PTH2R: variants seen among roughly 807,000 people sequenced by gnomAD.
PTH2R encodes the protein parathyroid hormone 2 receptor, also known as PTH2 receptor.
PTH2R carries 59 observed loss-of-function variants against 60.3 expected under a neutral mutation model. The ratio of observed to expected loss-of-function variants is 0.98; its 90% CI spans 0.79 to 1.22. The LOEUF is 1.22. Among genes scored for constraint, PTH2R ranks in the 50% most tolerant of loss-of-function variants. The pLI is 0.00. For synonymous variants in PTH2R, 256 were observed against 243.8 expected, an observed-to-expected ratio of 1.05 and a Z score of -0.47; for missense variants, 749 against 682.6, an observed-to-expected ratio of 1.10 and a Z score of -1.08.
chr2:208,362,634 T>C (rs1002581922), intron 1 of PTH2R, among the ~76,000 whole-genome samples: 1 of 152,238 alleles, frequency 6.6e-6, no homozygotes, highest in African/African-American at 2.4e-5. Context: ...GCTGTAACCA[T>C]GGGTATGCAA....
chr2:208,454,488 C>T lies in PTH2R; in HGVS notation c.914+3679C>T, dbSNP rs138035928. Among the ~76,000 whole-genome samples, 220 of 152,274 alleles carry T rather than the reference C, an allele frequency of 1.4e-3. 7 individuals are homozygous for T. In the South Asian group the frequency reaches 0.02, roughly 14 times the overall value. ...GCACACAAAGAAGAGGTCATGTGAG[C>T]ACACAGTGAGATGGAGGCTACTTAC... On this transcript the variant is annotated intron_variant, in intron 8 of 12. Transcript: ENST00000272847.
intron 1 of PTH2R, among the ~76,000 whole-genome samples, chr2:208,409,133 T>G (rs1269848722): frequency 6.6e-6 from 1 of 152,232 alleles, no homozygotes; most frequent in East Asian, 1.9e-4. Context: ...CTATAGATTA[T>G]GAATTGCATA....
rs1701423716 is a variant in PTH2R at position 208,406,921 on chromosome 2, A to T, written c.-123A>T. ...ACCCTCGGCCGGTGGCCCGGGCCCG[A>T]CCACCCCAGCTGCGCGTCGTTACTG... On this transcript the variant is annotated 5_prime_UTR_variant, in exon 1 of 13. Coordinates refer to ENST00000272847, the MANE Select transcript of PTH2R (RefSeq NM_005048.4). 1 of 777,242 alleles carries T rather than the reference A, an allele frequency of 1.3e-6. No homozygotes were observed. The highest frequency in any genetic ancestry group is 3.1e-5 in the Admixed American group (1 of 31,912). 48.1% of individuals were successfully genotyped at this position (777,242 alleles called of 1,614,324 possible). A position where few individuals can be genotyped will look rare whatever the true frequency, so the allele number is the denominator to read the frequency against.
intron 1 of PTH2R, among the ~76,000 whole-genome samples, chr2:208,416,241 G>A (rs1701638945): frequency 6.6e-6 from 1 of 151,864 alleles, no homozygotes; most frequent in Admixed American, 6.6e-5. Flanking sequence ...TAAAAATGAT[G>A]GTGTTAAACC....
At chr2:208,465,708 T>C (rs1702735440) in intron 9 of PTH2R, among the ~76,000 whole-genome samples, 1 of 151,650 alleles carries the variant, frequency 6.6e-6, no homozygotes, top group African/African-American at 2.4e-5. Flanking sequence ...GCCAACTCCT[T>C]TTTTTTTAAA....
intron 9 of PTH2R, among the ~76,000 whole-genome samples, chr2:208,477,260 T>C (rs1703025563): frequency 6.6e-6 from 1 of 152,128 alleles, no homozygotes. Flanking sequence ...GAAAAATGCT[T>C]CTGAGAATAA....
chr2:208,457,783 T>C (rs1400374596), intron 8 of PTH2R, among the ~76,000 whole-genome samples: 1 of 152,190 alleles, frequency 6.6e-6, no homozygotes, highest in Non-Finnish European at 1.5e-5. Context: ...GAGAACATAT[T>C]GCCTCTATGT....
At chr2:208,362,118 T>G (rs1700485925) in intron 1 of PTH2R, among the ~76,000 whole-genome samples, 1 of 152,220 alleles carries the variant, frequency 6.6e-6, no homozygotes, top group African/African-American at 2.4e-5. Context: ...ACATCAGAGC[T>G]TCTGGTTCTC....
At chr2:208,454,377 G>T (rs1317156932) in intron 8 of PTH2R, among the ~76,000 whole-genome samples, 2 of 152,112 alleles carry the variant, frequency 1.3e-5, no homozygotes, top group African/African-American at 4.8e-5. Flanking sequence ...GGTTAAGGAG[G>T]TCATGAGAGT....
At chr2:208,421,138 T>C (rs1701747260) in intron 1 of PTH2R, among the ~76,000 whole-genome samples, 1 of 152,212 alleles carries the variant, frequency 6.6e-6, no homozygotes. Context: ...CTCAATGTGA[T>C]CGCATTCTTA....
chr2:208,435,527 A>G (rs1244561756), intron 2 of PTH2R, among the ~76,000 whole-genome samples: 1 of 152,196 alleles, frequency 6.6e-6, no homozygotes, highest in Non-Finnish European at 1.5e-5. Flanking sequence ...GGAGAGATTA[A>G]ACATGTGAGA....
intron 1 of PTH2R, among the ~76,000 whole-genome samples, chr2:208,398,644 T>C (rs1416165936): frequency 6.6e-6 from 1 of 152,242 alleles, no homozygotes; most frequent in Non-Finnish European, 1.5e-5. Flanking sequence ...GTTTGGGGAA[T>C]GTAATTAGAT....
chr2:208,422,318 C>A (rs571933341), intron 1 of PTH2R, among the ~76,000 whole-genome samples: 1 of 152,146 alleles, frequency 6.6e-6, no homozygotes, highest in South Asian at 2.1e-4. Flanking sequence ...ATAGACACAC[C>A]GGAAACAAAT....
chr2:208,451,052 C>T (rs1434763666), intron 8 of PTH2R, among the ~76,000 whole-genome samples: 2 of 151,798 alleles, frequency 1.3e-5, no homozygotes, highest in Non-Finnish European at 2.9e-5. Flanking sequence ...GATTAAGAAA[C>T]AAATGTAAAA....
Position 208,406,946 on chromosome 2 carries a change from G to T in PTH2R, c.-98G>T. ...ACCACCCCAGCTGCGCGTCGTTACTGGCCACAAGTTTGCTCTGGGCCAGCC... is the reference window on the plus strand; with the variant it reads ...ACCACCCCAGCTGCGCGTCGTTACTTGCCACAAGTTTGCTCTGGGCCAGCC... On this transcript the variant is annotated 5_prime_UTR_variant, in exon 1 of 13. Coordinates refer to ENST00000272847, the MANE Select transcript of PTH2R (RefSeq NM_005048.4). 9.4e-7 allele frequency: 1 copy of T among 1,069,134 alleles called. No homozygotes were observed. The highest frequency in any genetic ancestry group is 1.3e-6 in the Non-Finnish European group (1 of 793,756). 66.2% of individuals were successfully genotyped at this position (1,069,134 alleles called of 1,614,324 possible).
rs1249919903 is a variant in PTH2R at position 208,437,540 on chromosome 2, G to T, written c.182G>T (p.Gly61Val). 5.6e-6 allele frequency: 9 copies of T among 1,595,892 alleles called. No homozygotes were observed. Among genetic ancestry groups the T allele is most frequent in the African/African-American group, 1.4e-5 (1 of 73,902 alleles). ...TTTAATTTTTTTTTCTCATTAGAAG[G>T]TAATTGTTTCCCTGAATGGGATGGA... ...NITAQLQEGEGNCFPEWDGLI... is the reference protein window; with the variant it reads ...NITAQLQEGEVNCFPEWDGLI... The change falls in exon 3 of 13, where the codon GGT becomes GTT. Residue 61 changes from glycine to valine, a missense_variant. Coordinates refer to ENST00000272847, the MANE Select transcript of PTH2R (RefSeq NM_005048.4).
chr2:208,363,726 C>T (rs891297889), intron 1 of PTH2R, among the ~76,000 whole-genome samples: 5 of 152,010 alleles, frequency 3.3e-5, no homozygotes, highest in African/African-American at 1.2e-4. Context: ...CATATGAGAT[C>T]GTATCTCTCT....
Position 208,444,740 on chromosome 2 carries a change from T to G in PTH2R, c.706T>G (p.Cys236Gly). Residue 236 changes from cysteine (C) to glycine (G), a missense_variant, in exon 7 of 13, where the codon TGC becomes GGC. Physicochemically the swap from Cys to Gly is radical, Grantham distance 159. Transcript: ENST00000272847. The stretch of plus-strand genomic sequence containing the variant: ...TCTGGTTTATTTGTAATAGATCGGG[T>G]GCAAGATTGCTGTTGTGATGTTTAT... ...TSVDKSQYIGCKIAVVMFIYF... is the reference protein window; with the variant it reads ...TSVDKSQYIGGKIAVVMFIYF... The G allele has an allele frequency of 6.2e-7, 1 of 1,613,468 alleles. No individual in the cohort carries two copies. Among genetic ancestry groups the G allele is most frequent in the South Asian group, 1.1e-5 (1 of 90,920 alleles).
At chr2:208,370,171 C>T (rs777194097) in intron 1 of PTH2R, among the ~76,000 whole-genome samples, 27 of 151,966 alleles carry the variant, frequency 1.8e-4, no homozygotes, top group Non-Finnish European at 2.9e-4. Context: ...TGGCCGGGCA[C>T]GGTGGCTCAC....
Sources: gnomAD v4.1 joint callset for allele counts (sites outside exome capture counted in the v4.1 genomes callset) on GRCh38, gnomAD v4.1.1 for gene constraint, MANE v1.5 for transcripts, NCBI Gene and HGNC (gene_info 2026-07-23, HGNC 2026-07-21) for gene names.